Variants in MDH2 observed in about 807,000 individuals in gnomAD.
MDH2 encodes malate dehydrogenase 2.
A neutral mutation model predicts 33.6 loss-of-function variants in MDH2; 25 were observed. The observed-to-expected ratio is 0.74, with a 90% confidence interval of 0.54 to 1.04. The LOEUF (loss-of-function observed/expected upper bound fraction) is 1.04. Ranked by LOEUF, MDH2 falls within the 50% of genes least tolerant of loss-of-function variation. The pLI, the probability that MDH2 is intolerant of heterozygous loss-of-function variation, is 0.00. For synonymous variants in MDH2, 193 were observed against 188.7 expected (o/e 1.02, Z -0.19); for missense variants, 432 against 445.0 (o/e 0.97, Z 0.26).
chr7:76,048,555 A>G (rs1797417338), intron 1 of MDH2: 1 of 1,310,920 alleles, frequency 7.6e-7, no homozygotes, highest in Non-Finnish European at 9.7e-7. Context: ...TCTGAAAGTA[A>G]ACTTACGTTT....
chr7:76,058,013 G>T lies in MDH2; in HGVS notation c.364G>T (p.Ala122Ser). 6.2e-7 allele frequency: 1 copy of T among 1,614,054 alleles called. No homozygotes were observed. The highest frequency in any genetic ancestry group is 8.5e-7 in the Non-Finnish European group (1 of 1,180,042). Reference protein sequence around the residue: ...DLFNTNATIVATLTAACAQHC... With the variant: ...DLFNTNATIVSTLTAACAQHC... ...GTTCAACACCAATGCCACGATTGTG[G>T]CCACCCTGACCGCTGCCTGTGCCCA... Residue 122 changes from alanine to serine, a missense_variant, in exon 4 of 9, where the codon GCC becomes TCC. Coordinates refer to ENST00000315758, the MANE Select transcript of MDH2 (RefSeq NM_005918.4).
At chr7:76,048,416 G>A in intron 1 of MDH2, 190 bp downstream of exon 1, 1 of 1,146,424 alleles carries the variant, frequency 8.7e-7, no homozygotes, top group East Asian at 2.9e-5. Context: ...GAAAGCCGGG[G>A]AAAAGGGGGC....
Position 76,054,860 on chromosome 7 carries a change from T to G in MDH2, c.97T>G (p.Ser33Ala), listed in dbSNP as rs782656418. 6.2e-7 allele frequency: 1 copy of G among 1,614,210 alleles called. No individual in the cohort carries two copies. The highest frequency in any genetic ancestry group is 2.2e-5 in the East Asian group (1 of 44,874). ...TGCTAAAGTAGCTGTGCTAGGGGCC[T>G]CTGGAGGCATCGGGCAGCCACTTTC... is the stretch of plus-strand genomic sequence containing the variant. Reference protein sequence around the residue: ...NNAKVAVLGASGGIGQPLSLL... With the variant: ...NNAKVAVLGAAGGIGQPLSLL... The change falls in exon 2 of 9, where the codon TCT becomes GCT. Residue 33 changes from serine to alanine, a missense_variant. Physicochemically the swap from Ser to Ala is moderately conservative, Grantham distance 99. Transcript: ENST00000315758.
rs782459104 is a variant in MDH2, at chr7:76,060,452, C to T, written c.509C>T (p.Thr170Met). ...VYNPNKIFGVTTLDIVRANTF... is the reference protein window; with the variant it reads ...VYNPNKIFGVMTLDIVRANTF... The stretch of plus-strand genomic sequence containing the variant: ...AACCCCAACAAAATCTTCGGCGTGA[C>T]GACCCTGGACATCGTCAGAGCCAAC... The change falls in exon 5 of 9, where the codon ACG becomes ATG. Residue 170 changes from threonine to methionine, a missense_variant. Transcript: ENST00000315758. 14 of 1,614,102 alleles carry T rather than the reference C, an allele frequency of 8.7e-6. No homozygotes were observed. Among genetic ancestry groups the T allele is most frequent in the East Asian group, 6.7e-5 (3 of 44,872 alleles).
chr7:76,064,527 T>C lies in MDH2; in HGVS notation c.733+89T>C, dbSNP rs1287547761. 6 of 1,175,590 alleles carry C rather than the reference T, an allele frequency of 5.1e-6. No individual in the cohort carries two copies. The East Asian group carries it at 1.3e-4, about 25-fold the overall frequency. The allele number at this position is 1,175,590 out of a possible 1,614,324, so 72.8% of individuals were successfully genotyped here. ...GAGAAATGCTGCTTGTCCCTGGGCA[T>C]GGACGATCCTTTTCAGTGTTGATTT... On this transcript the variant is annotated intron_variant, in intron 7 of 8. Transcript: ENST00000315758.
At chr7:76,058,293 G>A (rs1420013231) in intron 4 of MDH2, 2 of 549,362 alleles carry the variant, frequency 3.6e-6, no homozygotes, top group African/African-American at 3.8e-5. Context: ...CTGAATGAGG[G>A]TTGTCACAGC....
chr7:76,059,941 G>A (rs185449134), intron 4 of MDH2, among the ~76,000 whole-genome samples: 5 of 152,110 alleles, frequency 3.3e-5, no homozygotes, highest in East Asian at 1.9e-4. Context: ...AGAAAAAAAC[G>A]GGTCCCAGGG....
At chr7:76,049,828 T>C (rs1383910538) in intron 1 of MDH2, among the ~76,000 whole-genome samples, 2 of 151,892 alleles carry the variant, frequency 1.3e-5, no homozygotes, top group Non-Finnish European at 2.9e-5. Flanking sequence ...GGGAAGAGGG[T>C]ACCAATTTTA....
At chr7:76,060,521 T>A in intron 5 of MDH2, 23 bp downstream of exon 5, 3 of 1,612,312 alleles carry the variant, frequency 1.9e-6, no homozygotes, top group Non-Finnish European at 2.5e-6. Flanking sequence ...TGGGTGTTGC[T>A]CAGGTGACCT....
rs540421343 is a variant in MDH2 at position 76,057,115 on chromosome 7, T to C, written c.236-295T>C. On this transcript the variant is annotated intron_variant, in intron 2 of 8. Coordinates refer to ENST00000315758, the MANE Select transcript of MDH2 (RefSeq NM_005918.4). ...AAGTGTGACTTACAATGCTCACGAG[T>C]AGGATGAAGACAAGCAGTGGCTCAG... Among the ~76,000 whole-genome samples, 3 of 151,634 alleles carry C rather than the reference T, an allele frequency of 2.0e-5. No homozygotes were observed. In the South Asian group the frequency reaches 6.3e-4, roughly 32 times the overall value.
chr7:76,048,492 A>C, intron 1 of MDH2: 1 of 1,295,818 alleles, frequency 7.7e-7, no homozygotes, highest in Non-Finnish European at 1.0e-6. Context: ...GATTTCCCAG[A>C]GGACCTGCTC....
At chr7:76,054,216 C>T (rs1022037239) in intron 1 of MDH2, among the ~76,000 whole-genome samples, 8 of 151,402 alleles carry the variant, frequency 5.3e-5, no homozygotes, top group African/African-American at 1.9e-4. Context: ...GGGTTGGAGT[C>T]TTTCGCAACG....
intron 1 of MDH2, among the ~76,000 whole-genome samples, chr7:76,051,994 G>A (rs1446456734): frequency 6.6e-6 from 1 of 152,134 alleles, no homozygotes; most frequent in Non-Finnish European, 1.5e-5. Context: ...AATTAAGTTG[G>A]TGACATCCTG....
At chr7:76,063,625 G>A (rs782733466) in intron 6 of MDH2, 33 bp downstream of exon 6, 186 of 1,598,080 alleles carry the variant, frequency 1.2e-4, no homozygotes, top group Middle Eastern at 1.7e-4. Context: ...GGGGCTTCGA[G>A]GTCAGGATTC....
chr7:76,064,583 G>C (rs1433940684), intron 7 of MDH2, 145 bp downstream of exon 7: 1 of 937,876 alleles, frequency 1.1e-6, no homozygotes, highest in African/African-American at 1.6e-5. Context: ...CCCTGTGTGA[G>C]AGGGCAGCTC....
intron 4 of MDH2, among the ~76,000 whole-genome samples, chr7:76,059,497 C>T (rs979160359): frequency 1.3e-5 from 2 of 152,230 alleles, no homozygotes; most frequent in African/African-American, 2.4e-5. Flanking sequence ...CTCTCGGAAA[C>T]GTTGAGTGCT....
intron 4 of MDH2, among the ~76,000 whole-genome samples, chr7:76,058,874 G>C (rs1480457618): frequency 2.6e-5 from 4 of 152,214 alleles, no homozygotes; most frequent in Admixed American, 2.6e-4. Flanking sequence ...AGACGCATGG[G>C]TATGCTGGGC....
At chr7:76,058,349 C>T (rs1288390330) in intron 4 of MDH2, among the ~76,000 whole-genome samples, 1 of 152,294 alleles carries the variant, frequency 6.6e-6, no homozygotes, top group East Asian at 1.9e-4. Context: ...GCTTTAGTTT[C>T]CCCACCTGAA....
intron 1 of MDH2, chr7:76,048,953 C>T (rs574749378): frequency 1.1e-6 from 1 of 907,926 alleles, no homozygotes; most frequent in Non-Finnish European, 1.3e-6. Flanking sequence ...AAACAGACGT[C>T]TGGGTTCATT....
Sources: allele counts gnomAD v4.1 joint callset (sites outside exome capture counted in the v4.1 genomes callset), GRCh38; gene constraint gnomAD v4.1.1; transcripts MANE v1.5; gene names NCBI Gene and HGNC (gene_info 2026-07-23, HGNC 2026-07-21).